Variants in CCSAP observed in about 807,000 individuals in gnomAD.
CCSAP encodes centriole, cilia and spindle associated protein.
A neutral mutation model predicts 25.9 loss-of-function variants in CCSAP; 17 were observed. That is an observed-to-expected ratio of 0.66 (90% confidence interval 0.45 to 0.99). The LOEUF is 0.99. CCSAP is among the 50% of genes least tolerant of loss of function. CCSAP has a pLI of 0.00. For synonymous variants in CCSAP, 169 were observed against 157.1 expected (o/e 1.08, Z -0.57); for missense variants, 339 against 367.8 (o/e 0.92, Z 0.64).
chr1:229,330,453 G>T (rs1398318682), intron 2 of CCSAP, among the ~76,000 whole-genome samples: 2 of 152,330 alleles, frequency 1.3e-5, no homozygotes, highest in African/African-American at 4.8e-5. Flanking sequence ...TTAATGCACA[G>T]GCAAAGAAAG....
In CCSAP at chr1:229,341,113, G is replaced by A. The variant is rs762368234; in HGVS notation, c.367+986C>T. Among the ~76,000 whole-genome samples the A allele has an allele frequency of 5.4e-4, 80 of 149,174 alleles. 1 individual carries two copies. The highest frequency in any genetic ancestry group is 8.4e-4 in the Non-Finnish European group (57 of 67,828). ...GGAGGCTGAGGCAGGAGAATGACGT[G>A]AATCCGGGAGGCAGAGGTTGCAGTG... On this transcript the variant is annotated intron_variant, in intron 2 of 3. Transcript: ENST00000284617.
At chr1:229,333,284 T>G (rs1468460403) in intron 2 of CCSAP, among the ~76,000 whole-genome samples, 1 of 151,628 alleles carries the variant, frequency 6.6e-6, no homozygotes, top group Admixed American at 6.6e-5. Flanking sequence ...TACAAAAAAA[T>G]TAGCCGGGCG....
In CCSAP at chr1:229,325,521, G is replaced by A. The variant is rs1409074551; in HGVS notation, c.637-110C>T. The A allele has an allele frequency of 1.1e-5, 10 of 904,074 alleles. No homozygotes were observed. In the East Asian group the frequency reaches 2.3e-4, roughly 21 times the overall value. The allele number at this position is 904,074 out of a possible 1,614,324, so 56.0% of individuals were successfully genotyped here. On this transcript the variant is annotated intron_variant, in intron 3 of 3. Transcript: ENST00000284617. Reference sequence around the variant, plus strand: ...GCCAGGTCAACTGCAGCAGGGCAGAGTCAAGCCCTGCCTCTCTATATAGTT... The same window carrying A: ...GCCAGGTCAACTGCAGCAGGGCAGAATCAAGCCCTGCCTCTCTATATAGTT...
chr1:229,330,471 C>T (rs1398088535), intron 2 of CCSAP, among the ~76,000 whole-genome samples: 1 of 152,064 alleles, frequency 6.6e-6, no homozygotes, highest in Non-Finnish European at 1.5e-5. Context: ...AAGGAGAACC[C>T]GAGATGGGAG....
chr1:229,341,671 A>G (rs1258617537), intron 2 of CCSAP, among the ~76,000 whole-genome samples: 1 of 152,206 alleles, frequency 6.6e-6, no homozygotes, highest in Non-Finnish European at 1.5e-5. Context: ...CATCAGACAA[A>G]GCTTAGCTCT....
chr1:229,331,003 G>A (rs1236001058), intron 2 of CCSAP, among the ~76,000 whole-genome samples: 6 of 152,032 alleles, frequency 3.9e-5, no homozygotes, highest in African/African-American at 1.4e-4. Flanking sequence ...GAACAGAGTG[G>A]AGCCTACCCA....
chr1:229,336,232 A>C (rs2102697469), intron 2 of CCSAP, among the ~76,000 whole-genome samples: 1 of 151,260 alleles, frequency 6.6e-6, no homozygotes, highest in South Asian at 2.1e-4. Context: ...AGCAATTGAC[A>C]CTTCTATATT....
chr1:229,331,785 CTTTTAT>C (rs771113333), intron 2 of CCSAP, among the ~76,000 whole-genome samples: 15 of 111,626 alleles, frequency 1.3e-4, no homozygotes, highest in African/African-American at 5.2e-4. Context: ...TTCTAATATC[CTTTTAT>C]TATTATTATT....
chr1:229,335,082 G>A (rs2102696799), intron 2 of CCSAP, among the ~76,000 whole-genome samples: 1 of 152,292 alleles, frequency 6.6e-6, no homozygotes, highest in African/African-American at 2.4e-5. Flanking sequence ...GGGAGGACAA[G>A]GCGGGAGGAT....
At chr1:229,339,092 TG>T (rs1339022684) in intron 2 of CCSAP, among the ~76,000 whole-genome samples, 2 of 75,466 alleles carry the variant, frequency 2.7e-5, no homozygotes, top group African/African-American at 1.1e-4. Flanking sequence ...AAAAAAGAAA[TG>T]GGAAAAAAAA....
intron 2 of CCSAP, among the ~76,000 whole-genome samples, chr1:229,337,016 T>A (rs1401247244): frequency 1.3e-5 from 2 of 152,034 alleles, no homozygotes; most frequent in Non-Finnish European, 2.9e-5. Context: ...TAAGTAAAAA[T>A]GTTAGGGGAC....
intron 2 of CCSAP, among the ~76,000 whole-genome samples, chr1:229,337,698 T>TATAC (rs1473619585): frequency 8.7e-4 from 53 of 60,640 alleles, no homozygotes; most frequent in Middle Eastern, 0.013. Context: ...TATATATATA[T>TATAC]ACACATACAT....
At chr1:229,336,493 G>T (rs1658199857) in intron 2 of CCSAP, among the ~76,000 whole-genome samples, 1 of 152,142 alleles carries the variant, frequency 6.6e-6, no homozygotes, top group Non-Finnish European at 1.5e-5. Context: ...CCATGAGACA[G>T]GAGACTGCAG....
intron 2 of CCSAP, among the ~76,000 whole-genome samples, chr1:229,330,389 A>G (rs1658038802): frequency 6.6e-6 from 1 of 152,200 alleles, no homozygotes; most frequent in South Asian, 2.1e-4. Flanking sequence ...GTCACCCAGA[A>G]GAAACACAGA....
In CCSAP at chr1:229,321,199, C is replaced by G. The variant is rs1042338157; in HGVS notation, c.*4036G>C. 6.6e-6 allele frequency: 1 copy of G among 152,086 alleles called. No homozygotes were observed. The highest frequency in any genetic ancestry group is 1.5e-5 in the Non-Finnish European group (1 of 68,006). 9.4% of individuals were successfully genotyped at this position (152,086 alleles called of 1,614,324 possible). A position where few individuals can be genotyped will look rare whatever the true frequency, so the allele number is the denominator to read the frequency against. ...GAATGCAGTGCTCAAAACAAACTTA[C>G]GATAGCACAGGGAAACCTTCCCTAA... On this transcript the variant is annotated 3_prime_UTR_variant, in exon 4 of 4. Transcript: ENST00000284617.
chr1:229,326,613 T>TC (rs1188772747), intron 3 of CCSAP, 125 bp downstream of exon 3: 2 of 1,108,320 alleles, frequency 1.8e-6, no homozygotes, highest in African/African-American at 3.1e-5. Flanking sequence ...CACCATGCTA[T>TC]CCCCTAAGAT....
rs1406975538 is a variant in CCSAP at position 229,326,765 on chromosome 1, G to A, written c.609C>T (p.Asn203=). The change falls in exon 3 of 4, where the codon AAC becomes AAT. Residue 203 remains asparagine, a synonymous_variant. Coordinates refer to ENST00000284617, the MANE Select transcript of CCSAP (RefSeq NM_145257.5). ...CGTGCACAGGAGCGGACGCACAGAC[G>A]TTGTGAGTCTTCTGGCTTCCTGTAT... The part of the protein sequence containing the change: ...QTDTGSQKTH[N]VCASAPVHEI... 12 of 1,614,238 alleles carry A rather than the reference G, an allele frequency of 7.4e-6. No individual in the cohort carries two copies. The highest frequency in any genetic ancestry group is 1.7e-4 in the Middle Eastern group (1 of 6,060).
At chr1:229,332,541 TAAAG>T (rs1213071723) in intron 2 of CCSAP, among the ~76,000 whole-genome samples, 1 of 152,126 alleles carries the variant, frequency 6.6e-6, no homozygotes, top group African/African-American at 2.4e-5. Context: ...TAGTTTAAAA[TAAAG>T]ACTTCTTCAA....
At chr1:229,339,969 CAT>C (rs1002895598) in intron 2 of CCSAP, among the ~76,000 whole-genome samples, 2 of 151,990 alleles carry the variant, frequency 1.3e-5, no homozygotes, top group African/African-American at 2.4e-5. Context: ...AAAACAATCA[CAT>C]GTCAATAAAA....
Sources: gnomAD v4.1 joint callset for allele counts (sites outside exome capture counted in the v4.1 genomes callset) on GRCh38, gnomAD v4.1.1 for gene constraint, MANE v1.5 for transcripts, NCBI Gene and HGNC (gene_info 2026-07-23, HGNC 2026-07-21) for gene names.